The following SYNE2 variants were observed in gnomAD, a reference collection of about 807,000 sequenced individuals.
The protein encoded by SYNE2 is nesprin-2.
In SYNE2, 431 loss-of-function variants were observed where a neutral mutation model predicts 856.3. The ratio of observed to expected loss-of-function variants is 0.50; its 90% CI spans 0.47 to 0.55. SYNE2 has a LOEUF of 0.55. SYNE2 is among the 20% of genes least tolerant of loss of function. The pLI is 0.00. For synonymous variants in SYNE2, 2,923 were observed against 2,872.3 expected, an observed-to-expected ratio of 1.02 and a Z score of -0.56; for missense variants, 8,129 against 8,023.2, an observed-to-expected ratio of 1.01 and a Z score of -0.50.
At chr14:64,203,837 C>G (rs890362345) in intron 100 of SYNE2, among the ~76,000 whole-genome samples, 1 of 152,110 alleles carries the variant, frequency 6.6e-6, no homozygotes, top group African/African-American at 2.4e-5. Context: ...GCTTGGAGAC[C>G]GGATTGGGGG....
intron 111 of SYNE2, 96 bp from the exon 112 acceptor site, chr14:64,221,480 T>A: frequency 6.2e-7 from 1 of 1,611,494 alleles, no homozygotes; most frequent in Non-Finnish European, 8.5e-7. Flanking sequence ...GAAAAGCAAA[T>A]GACTGTGATG....
At chr14:64,001,179 A>T (rs1024804910) in intron 28 of SYNE2, among the ~76,000 whole-genome samples, 1 of 152,202 alleles carries the variant, frequency 6.6e-6, no homozygotes, top group Non-Finnish European at 1.5e-5. Flanking sequence ...ATGGTCACAC[A>T]TTTCAATTTA....
intron 55 of SYNE2, among the ~76,000 whole-genome samples, chr14:64,080,064 T>TGTGTGC (rs1555468389): frequency 2.6e-5 from 4 of 151,502 alleles, no homozygotes; most frequent in African/African-American, 9.7e-5. Flanking sequence ...TGTGTGTGTG[T>TGTGTGC]GCGCGTGCGT....
In SYNE2 at chr14:63,900,942, CAG is replaced by C. The variant is rs1359435200; in HGVS notation, c.-51-8153_-51-8152del. 2.6e-5 allele frequency among the ~76,000 whole-genome samples: 4 copies of C among 152,264 alleles called. No individual in the cohort carries two copies. The South Asian group carries it at 8.3e-4, about 32-fold the overall frequency. ...ACATTCCTAGGTGGACTATAAATAA[CAG>C]AGTACAGCTGAAGAATGGAAAAAGA... On this transcript the variant is annotated intron_variant, in intron 1 of 115. Coordinates refer to ENST00000555002, the MANE Select transcript of SYNE2 (RefSeq NM_182914.3).
intron 83 of SYNE2, among the ~76,000 whole-genome samples, chr14:64,145,142 G>A (rs1177885969): frequency 1.3e-5 from 2 of 151,716 alleles, no homozygotes; most frequent in Non-Finnish European, 2.9e-5. Context: ...GGTCAGGATG[G>A]TCTCGAACTC....
intron 1 of SYNE2, among the ~76,000 whole-genome samples, chr14:63,802,557 A>G (rs1346587816): frequency 6.6e-6 from 1 of 152,194 alleles, no homozygotes; most frequent in Non-Finnish European, 1.5e-5. Flanking sequence ...TTAAAATGTG[A>G]GAAGAACATG....
intron 43 of SYNE2, among the ~76,000 whole-genome samples, chr14:64,029,128 C>G (rs113615840): frequency 6.6e-6 from 1 of 151,920 alleles, no homozygotes; most frequent in East Asian, 1.9e-4. Context: ...GAGTGAGACT[C>G]CATCTCAAAA....
intron 45 of SYNE2, among the ~76,000 whole-genome samples, chr14:64,041,964 A>T (rs1174814111): frequency 6.6e-6 from 1 of 152,236 alleles, no homozygotes; most frequent in Non-Finnish European, 1.5e-5. Context: ...TGAGAATCAA[A>T]GGAAGCACAC....
At chr14:64,118,672 C>T (rs1421696366) in intron 66 of SYNE2, among the ~76,000 whole-genome samples, 1 of 151,884 alleles carries the variant, frequency 6.6e-6, no homozygotes, top group Non-Finnish European at 1.5e-5. Context: ...ACCAGCCTGG[C>T]CAAAATGGCG....
intron 7 of SYNE2, among the ~76,000 whole-genome samples, chr14:63,950,237 G>T (rs891493255): frequency 6.6e-6 from 1 of 152,126 alleles, no homozygotes; most frequent in African/African-American, 2.4e-5. Context: ...TGTTTAGGTG[G>T]CATATTATTA....
At chr14:64,127,239 C>T (rs552757660) in intron 73 of SYNE2, among the ~76,000 whole-genome samples, 208 of 151,468 alleles carry the variant, frequency 1.4e-3, no homozygotes, top group African/African-American at 4.2e-3. Context: ...CCAGCCTGAG[C>T]GGCAGAGCAA....
intron 1 of SYNE2, among the ~76,000 whole-genome samples, chr14:63,855,683 A>G (rs1403101432): frequency 6.6e-6 from 1 of 152,054 alleles, no homozygotes; most frequent in Non-Finnish European, 1.5e-5. Flanking sequence ...TCCTCCTTTC[A>G]TAAGTTGTTA....
intron 84 of SYNE2, 22 bp from the exon 85 acceptor site, chr14:64,152,542 C>T: frequency 6.2e-7 from 1 of 1,613,520 alleles, no homozygotes; most frequent in South Asian, 1.1e-5. Context: ...GCATTGAAAA[C>T]CTTTTCCTCT....
rs762453033 is a variant in SYNE2 at position 64,130,248 on chromosome 14, G to T, written c.14340G>T (p.Lys4780Asn). 1 of 1,610,956 alleles carries T rather than the reference G, an allele frequency of 6.2e-7. No individual in the cohort carries two copies. Among genetic ancestry groups the T allele is most frequent in the Non-Finnish European group, 8.5e-7 (1 of 1,178,486 alleles). ...TACAGGCTCAAATAGAAAATCACAAGGTGAGACAGACACATGGGTCGGGTG... is the reference window on the plus strand; with the variant it reads ...TACAGGCTCAAATAGAAAATCACAATGTGAGACAGACACATGGGTCGGGTG... ...VALQAQIENHKVFFQKLVADM... is the reference protein window; with the variant it reads ...VALQAQIENHNVFFQKLVADM... The change falls in exon 76 of 116, where the codon AAG (lysine) becomes AAT (asparagine). Residue 4780 changes from lysine (K) to asparagine (N), a missense_variant and splice_region_variant. Physicochemically the swap from Lys to Asn is moderately conservative, Grantham distance 94. Transcript: ENST00000555002.
intron 45 of SYNE2, among the ~76,000 whole-genome samples, chr14:64,036,374 C>T (rs2097090619): frequency 6.6e-6 from 1 of 152,132 alleles, no homozygotes; most frequent in African/African-American, 2.4e-5. Flanking sequence ...GCAACCTCTG[C>T]CTCTGGACTC....
intron 1 of SYNE2, among the ~76,000 whole-genome samples, chr14:63,828,757 T>A (rs1049790221): frequency 4.0e-5 from 6 of 151,756 alleles, no homozygotes; most frequent in Non-Finnish European, 7.4e-5. Flanking sequence ...AATAAATAAA[T>A]AAAAATAAAG....
intron 10 of SYNE2, among the ~76,000 whole-genome samples, chr14:63,966,569 C>T (rs371068816): frequency 0.01 from 1,368 of 131,990 alleles, 21 homozygotes; most frequent in African/African-American, 0.04. Context: ...TCTTTTTTTT[C>T]CCCCCCCGAG....
At chr14:64,215,810 C>A in intron 107 of SYNE2, 1 of 575,310 alleles carries the variant, frequency 1.7e-6, no homozygotes, top group Non-Finnish European at 2.6e-6. Flanking sequence ...TGATTTGCAG[C>A]TCTAATCCTC....
intron 22 of SYNE2, 24 bp downstream of exon 22, chr14:63,993,993 A>G (rs753260690): frequency 2.5e-6 from 4 of 1,612,576 alleles, no homozygotes; most frequent in Non-Finnish European, 3.4e-6. Flanking sequence ...TATGTTTCTG[A>G]ACTTACGTTT....
Sources: gnomAD v4.1 joint callset for allele counts (sites outside exome capture counted in the v4.1 genomes callset) on GRCh38, gnomAD v4.1.1 for gene constraint, MANE v1.5 for transcripts, NCBI Gene and HGNC (gene_info 2026-07-23, HGNC 2026-07-21) for gene names.